ANKRD13A: variants seen among roughly 807,000 people sequenced by gnomAD.
ANKRD13A encodes the protein ankyrin repeat domain-containing protein 13A.
ANKRD13A carries 48 observed loss-of-function variants against 81.3 expected under a neutral mutation model. The ratio of observed to expected loss-of-function variants is 0.59; its 90% CI spans 0.47 to 0.75. The LOEUF (loss-of-function observed/expected upper bound fraction) is 0.75, where lower values mean the gene tolerates loss of function less well. ANKRD13A is among the 30% of genes least tolerant of loss of function. ANKRD13A has a pLI of 0.00. For missense variants in ANKRD13A, 612 were observed against 734.0 expected, an observed-to-expected ratio of 0.83 and a Z score of 1.92; for synonymous variants, 230 against 270.1, an observed-to-expected ratio of 0.85 and a Z score of 1.45.
intron 14 of ANKRD13A, among the ~76,000 whole-genome samples, chr12:110,037,094 T>C (rs1288843310): frequency 4.6e-5 from 7 of 152,220 alleles, no homozygotes; most frequent in Non-Finnish European, 1.0e-4. Context: ...AGCCTGTTGA[T>C]GAAGAACCTG....
At chr12:110,008,655 T>G (rs1474073435) in intron 1 of ANKRD13A, among the ~76,000 whole-genome samples, 1 of 152,132 alleles carries the variant, frequency 6.6e-6, no homozygotes, top group Non-Finnish European at 1.5e-5. Context: ...GAGGCTGAGG[T>G]GGGCAGATCA....
chr12:110,019,196 G>T lies in ANKRD13A; in HGVS notation c.602G>T (p.Arg201Leu), dbSNP rs771991859. 1 of 1,613,812 alleles carries T rather than the reference G, an allele frequency of 6.2e-7. No homozygotes were observed. The highest frequency in any genetic ancestry group is 2.2e-5 in the East Asian group (1 of 44,894). ...GATGACAAAGTGGTCACCACCGAACGCTTCGACCTTTCCCAAGAAATGGAG... is the reference window on the plus strand; with the variant it reads ...GATGACAAAGTGGTCACCACCGAACTCTTCGACCTTTCCCAAGAAATGGAG... ...NHDDKVVTTE[R>L]FDLSQEMERL... Residue 201 changes from arginine to leucine, a missense_variant, in exon 6 of 15, where the codon CGC becomes CTC. Arg to Leu is a moderately radical substitution (Grantham distance 102, BLOSUM62 -2). Coordinates refer to ENST00000261739, the MANE Select transcript of ANKRD13A (RefSeq NM_033121.2).
Position 110,025,727 on chromosome 12 carries a change from G to A in ANKRD13A, c.802-15G>A, listed in dbSNP as rs187564276. 28 of 1,588,028 alleles carry A rather than the reference G, an allele frequency of 1.8e-5. No homozygotes were observed. Among genetic ancestry groups the A allele is most frequent in the Middle Eastern group, 1.7e-4 (1 of 5,966 alleles). Reference sequence around the variant, plus strand: ...ATTCCCTGTGTCACTGTTTTCTTTCGCATACACCTCTCAGGTTTACACAGT... The same window carrying A: ...ATTCCCTGTGTCACTGTTTTCTTTCACATACACCTCTCAGGTTTACACAGT... On this transcript the variant is annotated splice_polypyrimidine_tract_variant and intron_variant, in intron 7 of 14. Transcript: ENST00000261739.
chr12:110,030,729 A>C lies in ANKRD13A; in HGVS notation c.1319A>C (p.Gln440Pro). 15 of 1,607,486 alleles carry C rather than the reference A, an allele frequency of 9.3e-6. No homozygotes were observed. The highest frequency in any genetic ancestry group is 2.2e-5 in the East Asian group (1 of 44,660). The change falls in exon 12 of 15, where the codon CAA (glutamine) becomes CCA (proline). Residue 440 changes from glutamine (Q) to proline (P), a missense_variant. By Grantham distance (76) the Gln-to-Pro change is moderately conservative. Coordinates refer to ENST00000261739, the MANE Select transcript of ANKRD13A (RefSeq NM_033121.2). Reference sequence around the variant, plus strand: ...AGCACTGCCGAAGAATCTGTATCTCAAAATGTGGAAGGGACCCAGGCTGAT... The same window carrying C: ...AGCACTGCCGAAGAATCTGTATCTCCAAATGTGGAAGGGACCCAGGCTGAT... Reference protein sequence around the residue: ...GCSTAEESVSQNVEGTQADSA... With the variant: ...GCSTAEESVSPNVEGTQADSA...
chr12:110,026,775 G>A (rs756192115), intron 8 of ANKRD13A, among the ~76,000 whole-genome samples: 41 of 151,300 alleles, frequency 2.7e-4, no homozygotes, highest in Non-Finnish European at 5.0e-4. Context: ...TCAGCTACTG[G>A]GGAGGCTGAG....
At chr12:110,009,572 C>G (rs977463293) in intron 1 of ANKRD13A, among the ~76,000 whole-genome samples, 47 of 152,288 alleles carry the variant, frequency 3.1e-4, no homozygotes, top group African/African-American at 1.1e-3. Flanking sequence ...TTTCTCTTCT[C>G]TATTTTACTC....
At chr12:110,031,928 G>C (rs1377662576) in intron 12 of ANKRD13A, among the ~76,000 whole-genome samples, 2 of 151,478 alleles carry the variant, frequency 1.3e-5, no homozygotes, top group Admixed American at 6.6e-5. Flanking sequence ...CTTGTAACAT[G>C]GCTGAATTTA....
intron 1 of ANKRD13A, among the ~76,000 whole-genome samples, chr12:110,006,794 C>A (rs986182451): frequency 2.0e-5 from 3 of 152,152 alleles, no homozygotes; most frequent in African/African-American, 7.2e-5. Flanking sequence ...TGGAGTTTCT[C>A]CATGTTGATC....
chr12:110,013,369 T>C, intron 3 of ANKRD13A, 120 bp downstream of exon 3: 3 of 1,208,174 alleles, frequency 2.5e-6, no homozygotes, highest in Non-Finnish European at 2.3e-6. Flanking sequence ...GAATATGAAA[T>C]ACTCAATACC....
intron 10 of ANKRD13A, 87 bp from the exon 11 acceptor site, chr12:110,029,391 G>GCT: frequency 7.0e-7 from 1 of 1,422,868 alleles, no homozygotes; most frequent in South Asian, 1.2e-5. Flanking sequence ...GAGTAAAGCT[G>GCT]CTGTTGTCTA....
chr12:110,038,551 C>T lies in ANKRD13A; in HGVS notation c.*997C>T, dbSNP rs547329568. On this transcript the variant is annotated 3_prime_UTR_variant, in exon 15 of 15. Coordinates refer to ENST00000261739, the MANE Select transcript of ANKRD13A (RefSeq NM_033121.2). Reference sequence around the variant, plus strand: ...TGCAACCAGAAAGGGAGCTGAAAACCACGGAGCTCCATGGCTCTTCATTCA... The same window carrying T: ...TGCAACCAGAAAGGGAGCTGAAAACTACGGAGCTCCATGGCTCTTCATTCA... 1.3e-5 allele frequency: 2 copies of T among 152,732 alleles called. No individual in the cohort carries two copies. The highest frequency in any genetic ancestry group is 6.5e-5 in the Admixed American group (1 of 15,294). 9.5% of individuals were successfully genotyped at this position (152,732 alleles called of 1,614,324 possible).
rs919750864 is a variant in ANKRD13A at position 109,999,869 on chromosome 12, C to T, written c.96+85C>T. 1.6e-5 allele frequency: 20 copies of T among 1,255,656 alleles called. No homozygotes were observed. Among genetic ancestry groups the T allele is most frequent in the Non-Finnish European group, 1.9e-5 (18 of 929,990 alleles). The allele number at this position is 1,255,656 out of a possible 1,614,324, so 77.8% of individuals were successfully genotyped here. Reference sequence around the variant, plus strand: ...TCGCCTCCCTGAGCCCATTTCCAGCCCTCTGTCCCCGGGATCCCCAGACCC... The same window carrying T: ...TCGCCTCCCTGAGCCCATTTCCAGCTCTCTGTCCCCGGGATCCCCAGACCC... On this transcript the variant is annotated intron_variant, in intron 1 of 14. Transcript: ENST00000261739. This position sits in a 1 kb window ranked among gnomAD's most constrained non-coding sequence, Gnocchi z 4.3.
intron 6 of ANKRD13A, 150 bp downstream of exon 6, chr12:110,019,478 A>G: frequency 2.9e-6 from 2 of 696,138 alleles, no homozygotes; most frequent in Non-Finnish European, 2.2e-6. Context: ...ATCTCTAACC[A>G]GTAGAAATTG....
chr12:110,004,494 A>G (rs1890144797), intron 1 of ANKRD13A, among the ~76,000 whole-genome samples: 1 of 151,792 alleles, frequency 6.6e-6, no homozygotes, highest in Admixed American at 6.6e-5. Flanking sequence ...GCATGCCTGT[A>G]ATCCCAGCTA....
rs1220964820 is a variant in ANKRD13A at position 110,039,202 on chromosome 12, T to C, written c.*1648T>C. On this transcript the variant is annotated 3_prime_UTR_variant, in exon 15 of 15. Coordinates refer to ENST00000261739, the MANE Select transcript of ANKRD13A (RefSeq NM_033121.2). ...TTGCATTTACCGTGAGCAAAGATAC[T>C]TCTTGGAATGGCTGCAGTGAGGCCG... is the stretch of plus-strand genomic sequence containing the variant. 6.6e-6 allele frequency: 1 copy of C among 152,164 alleles called. No individual in the cohort carries two copies. The highest frequency in any genetic ancestry group is 1.5e-5 in the Non-Finnish European group (1 of 68,032). The allele number at this position is 152,164 out of a possible 1,614,324, so 9.4% of individuals were successfully genotyped here.
intron 1 of ANKRD13A, among the ~76,000 whole-genome samples, chr12:110,009,361 A>G (rs748596382): frequency 6.6e-6 from 1 of 152,204 alleles, no homozygotes; most frequent in Non-Finnish European, 1.5e-5. Flanking sequence ...GATTACAGGC[A>G]TGAGCCACTG....
intron 3 of ANKRD13A, among the ~76,000 whole-genome samples, chr12:110,015,967 T>C (rs572993224): frequency 1.2e-4 from 18 of 151,836 alleles, no homozygotes; most frequent in African/African-American, 4.1e-4. Context: ...TTTTTTTTTT[T>C]TCCATACAGT....
At position 110,039,674 on chromosome 12, in the gene ANKRD13A, A is replaced by C. The variant is rs1267465368; in HGVS notation, c.*2120A>C. The C allele has an allele frequency of 2.0e-5, 3 of 152,244 alleles. No homozygotes were observed. Among genetic ancestry groups the C allele is most frequent in the African/African-American group, 7.2e-5 (3 of 41,446 alleles). The allele number at this position is 152,244 out of a possible 1,614,324, so 9.4% of individuals were successfully genotyped here. A position where few individuals can be genotyped will look rare whatever the true frequency, so the allele number is the denominator to read the frequency against. On this transcript the variant is annotated 3_prime_UTR_variant, in exon 15 of 15. Coordinates refer to ENST00000261739, the MANE Select transcript of ANKRD13A (RefSeq NM_033121.2). Reference sequence around the variant, plus strand: ...TCTGACACCTCTGTGGTCCTCCTGGAGGGGAACTGGCTCTTGTGGGGTAAG... The same window carrying C: ...TCTGACACCTCTGTGGTCCTCCTGGCGGGGAACTGGCTCTTGTGGGGTAAG...
At chr12:110,030,175 T>C (rs1891592054) in intron 11 of ANKRD13A, among the ~76,000 whole-genome samples, 1 of 151,774 alleles carries the variant, frequency 6.6e-6, no homozygotes, top group South Asian at 2.1e-4. Flanking sequence ...ATTTTCTCTT[T>C]TTTTTTTTTG....
Sources: gnomAD v4.1 joint callset for allele counts (sites outside exome capture counted in the v4.1 genomes callset) on GRCh38, gnomAD v4.1.1 for gene constraint, Gnocchi (gnomAD v3.1) non-coding constraint, MANE v1.5 for transcripts, NCBI Gene and HGNC (gene_info 2026-07-23, HGNC 2026-07-21) for gene names.